The following KHDRBS1 variants were observed in gnomAD, a reference collection of about 807,000 sequenced individuals.
KHDRBS1 encodes KH RNA binding domain containing, signal transduction associated 1, also known as KH domain-containing, RNA-binding, signal transduction-associated protein 1.
Under a neutral mutation model 48.4 loss-of-function variants are expected in KHDRBS1, and 7 were observed. That is an observed-to-expected ratio of 0.14 (90% CI 0.08 to 0.27). The LOEUF is 0.27. Among genes scored for constraint, KHDRBS1 ranks in the 10% least tolerant of loss-of-function variants. The pLI, the probability that KHDRBS1 is intolerant of heterozygous loss-of-function variation, is 1.00. For synonymous variants in KHDRBS1, 241 were observed against 235.8 expected (o/e 1.02, Z -0.20); for missense variants, 458 against 601.2 (o/e 0.76, Z 2.49).
At chr1:32,028,831 A>G (rs1639026933) in intron 1 of KHDRBS1, among the ~76,000 whole-genome samples, 1 of 149,994 alleles carries the variant, frequency 6.7e-6, no homozygotes, top group Non-Finnish European at 1.5e-5. Context: ...AACTACTCTC[A>G]GTGGATCATA....
chr1:32,031,788 C>T lies in KHDRBS1; in HGVS notation c.624+148C>T, dbSNP rs1226556105. ...TTTGCACTGGATGCAAGAGATTATA[C>T]ACCAAGTTAATTTACTTGGCTTGGC... On this transcript the variant is annotated intron_variant, in intron 3 of 8. Transcript: ENST00000327300. The T allele has an allele frequency of 1.1e-4, 57 of 496,844 alleles. 1 individual carries two copies. Among genetic ancestry groups the T allele is most frequent in the Non-Finnish European group, 2.6e-5 (7 of 273,866 alleles). 30.8% of individuals were successfully genotyped at this position (496,844 alleles called of 1,614,324 possible).
intron 10 of KHDRBS1, among the ~76,000 whole-genome samples, chr1:32,049,914 G>C (rs897425410): frequency 1.2e-4 from 18 of 152,126 alleles, no homozygotes; most frequent in African/African-American, 4.1e-4. Context: ...ACCTGCCTCA[G>C]CCTCCCAAAG....
At chr1:32,021,948 G>T (rs1175701029) in intron 1 of KHDRBS1, among the ~76,000 whole-genome samples, 1 of 149,398 alleles carries the variant, frequency 6.7e-6, no homozygotes, top group East Asian at 2.0e-4. Flanking sequence ...ACCACACCCA[G>T]CGGCACATTT....
At chr1:32,033,116 C>T in intron 3 of KHDRBS1, 72 bp from the exon 4 acceptor site, 1 of 1,221,540 alleles carries the variant, frequency 8.2e-7, no homozygotes, top group Non-Finnish European at 1.2e-6. Context: ...CTTGCTGTTC[C>T]TTTGGCTTAG....
In KHDRBS1 at chr1:32,036,163, A is replaced by ATTTTTTTTTTT. The variant is rs397742842; in HGVS notation, c.772-731_772-721dup. 1.2e-4 allele frequency among the ~76,000 whole-genome samples: 7 copies of ATTTTTTTTTTT among 60,464 alleles called. 1 individual carries two copies. Among genetic ancestry groups the ATTTTTTTTTTT allele is most frequent in the African/African-American group, 5.1e-4 (7 of 13,642 alleles). The allele number at this position is 60,464 out of a possible 152,430, so 39.7% of individuals were successfully genotyped here. A position where few individuals can be genotyped will look rare whatever the true frequency, so the allele number is the denominator to read the frequency against. ...TACTTATTTCAGGGTCATTTTGAAG[A>ATTTTTTTTTTT]TTTTTTTTTTTTTTTTTTTTTTTTT... On this transcript the variant is annotated intron_variant, in intron 4 of 8. Transcript: ENST00000327300.
chr1:32,021,642 G>A (rs1638860557), intron 1 of KHDRBS1, among the ~76,000 whole-genome samples: 1 of 151,968 alleles, frequency 6.6e-6, no homozygotes, highest in South Asian at 2.1e-4. Context: ...TTTGAAACAG[G>A]TTCTCACTAT....
At chr1:32,036,148 A>AT (rs1385740395) in intron 4 of KHDRBS1, among the ~76,000 whole-genome samples, 1 of 144,488 alleles carries the variant, frequency 6.9e-6, no homozygotes, top group Non-Finnish European at 1.5e-5. Context: ...TACTTATTTC[A>AT]GGGTCATTTT....
intron 1 of KHDRBS1, among the ~76,000 whole-genome samples, chr1:32,021,912 A>C (rs1314129904): frequency 6.6e-6 from 1 of 151,510 alleles, no homozygotes; most frequent in African/African-American, 2.4e-5. Context: ...CAGCCTCCCA[A>C]AGTGCTGGGA....
At chr1:32,056,352 G>C (rs984704381) in intron 10 of KHDRBS1, among the ~76,000 whole-genome samples, 2 of 152,202 alleles carry the variant, frequency 1.3e-5, no homozygotes, top group Non-Finnish European at 2.9e-5. Context: ...GATGTTTCTA[G>C]ATAGAGTGTG....
chr1:32,055,233 A>C (rs192012650), intron 10 of KHDRBS1, among the ~76,000 whole-genome samples: 20 of 152,258 alleles, frequency 1.3e-4, no homozygotes, highest in African/African-American at 3.4e-4. Context: ...GCGGATCATG[A>C]GGTCAGGAGT....
chr1:32,027,032 T>C (rs1169976350), intron 1 of KHDRBS1, among the ~76,000 whole-genome samples: 2 of 152,208 alleles, frequency 1.3e-5, no homozygotes, highest in Non-Finnish European at 2.9e-5. Context: ...TGACCTCAGG[T>C]GATCCGCCCA....
chr1:32,055,859 A>G (rs553060012), intron 10 of KHDRBS1, among the ~76,000 whole-genome samples: 7 of 152,110 alleles, frequency 4.6e-5, no homozygotes, highest in African/African-American at 1.7e-4. Context: ...GGACCTCTAG[A>G]ATCCATTTTC....
chr1:32,049,421 GTTC>G (rs1385158180), intron 10 of KHDRBS1, among the ~76,000 whole-genome samples: 8 of 146,504 alleles, frequency 5.5e-5, no homozygotes, highest in African/African-American at 1.8e-4. Flanking sequence ...TCCCTACTTT[GTTC>G]TTTTTTTTTT....
At chr1:32,028,383 T>C (rs1278326577) in intron 1 of KHDRBS1, among the ~76,000 whole-genome samples, 1 of 151,692 alleles carries the variant, frequency 6.6e-6, no homozygotes, top group Non-Finnish European at 1.5e-5. Context: ...GCCTTAAAAT[T>C]ATAGAAGATG....
intron 1 of KHDRBS1, among the ~76,000 whole-genome samples, chr1:32,018,314 C>G (rs375635742): frequency 1.3e-4 from 19 of 151,094 alleles, no homozygotes; most frequent in East Asian, 1.2e-3. Context: ...CAAAAAATTA[C>G]CCCTGGTGTG....
chr1:32,014,397 C>T lies in KHDRBS1; in HGVS notation c.382+20C>T, dbSNP rs961804828. On this transcript the variant is annotated intron_variant, in intron 1 of 8. Transcript: ENST00000327300. Reference sequence around the variant, plus strand: ...CGGCAGGTAAGGGGGCCTCCCGTGTCCCTCTGGGTCGCCCGGCCATCCCGG... The same window carrying T: ...CGGCAGGTAAGGGGGCCTCCCGTGTTCCTCTGGGTCGCCCGGCCATCCCGG... The T allele has an allele frequency of 6.1e-6, 8 of 1,319,868 alleles. No homozygotes were observed. Among genetic ancestry groups the T allele is most frequent in the East Asian group, 3.1e-5 (1 of 32,560 alleles). 81.8% of individuals were successfully genotyped at this position (1,319,868 alleles called of 1,614,324 possible).
At chr1:32,056,335 T>C (rs1022659432) in intron 10 of KHDRBS1, among the ~76,000 whole-genome samples, 1 of 152,094 alleles carries the variant, frequency 6.6e-6, no homozygotes, top group Non-Finnish European at 1.5e-5. Flanking sequence ...AAAGACAGCT[T>C]AGTTGAGATG....
intron 4 of KHDRBS1, among the ~76,000 whole-genome samples, chr1:32,036,330 G>A (rs988205351): frequency 2.0e-4 from 31 of 151,732 alleles, no homozygotes; most frequent in Admixed American, 1.7e-3. Flanking sequence ...TGCCGCGCCC[G>A]GCTAATTTTT....
At chr1:32,035,807 CAG>C (rs905926472) in intron 4 of KHDRBS1, among the ~76,000 whole-genome samples, 3 of 152,184 alleles carry the variant, frequency 2.0e-5, no homozygotes, top group African/African-American at 7.2e-5. Context: ...AGTTTAGTGA[CAG>C]ACAATTCTAA....
Sources: allele counts gnomAD v4.1 joint callset (sites outside exome capture counted in the v4.1 genomes callset), GRCh38; gene constraint gnomAD v4.1.1; transcripts MANE v1.5; gene names NCBI Gene and HGNC (gene_info 2026-07-23, HGNC 2026-07-21).